The following LYG2 variants were observed in gnomAD, a reference collection of about 807,000 sequenced individuals.
LYG2 encodes the protein lysozyme g-like protein 2.
In LYG2, 25 loss-of-function variants were observed where a neutral mutation model predicts 22.4. The observed-to-expected ratio is 1.12, with a 90% CI of 0.81 to 1.56. The LOEUF is 1.56. Among genes scored for constraint, LYG2 ranks in the 40% most tolerant of loss-of-function variants. The pLI, the probability that LYG2 is intolerant of heterozygous loss-of-function variation, is 0.00. For synonymous variants in LYG2, 88 were observed against 97.0 expected (o/e 0.91, Z 0.55); for missense variants, 266 against 269.5 (o/e 0.99, Z 0.09).
upstream of LYG2, among the ~76,000 whole-genome samples, chr2:99,257,484 G>A (rs34812255): frequency 3.3e-5 from 5 of 152,184 alleles, no homozygotes; most frequent in Admixed American, 2.6e-4. Flanking sequence ...TCACTAAGAA[G>A]AAATGTACTG....
At chr2:99,247,581 C>T (rs1343162937) in intron 3 of LYG2, among the ~76,000 whole-genome samples, 1 of 152,064 alleles carries the variant, frequency 6.6e-6, no homozygotes, top group Admixed American at 6.6e-5. Flanking sequence ...CAACCCTTGC[C>T]TCCCTACCTT....
chr2:99,250,443 T>G (rs866717878), intron 3 of LYG2, among the ~76,000 whole-genome samples: 1 of 149,216 alleles, frequency 6.7e-6, no homozygotes, highest in African/African-American at 2.5e-5. Flanking sequence ...GGTGCGATCA[T>G]GGCTCACTGC....
intron 3 of LYG2, among the ~76,000 whole-genome samples, chr2:99,251,570 A>G (rs1299432605): frequency 8.5e-5 from 13 of 152,188 alleles, no homozygotes; most frequent in Admixed American, 8.5e-4. Flanking sequence ...ATAAATGTGA[A>G]ATATCTGAAT....
chr2:99,242,281 G>C lies in LYG2; in HGVS notation c.*83C>G. On this transcript the variant is annotated 3_prime_UTR_variant, in exon 7 of 7. Transcript: ENST00000333017. ...TGATTTTAATCATTTCTTTGCCAGT[G>C]TTGTATACAACACATTCACGTAAAA... 1 of 636,578 alleles carries C rather than the reference G, an allele frequency of 1.6e-6. No homozygotes were observed. Among genetic ancestry groups the C allele is most frequent in the Non-Finnish European group, 2.7e-6 (1 of 365,478 alleles). 39.4% of individuals were successfully genotyped at this position (636,578 alleles called of 1,614,324 possible). A position where few individuals can be genotyped will look rare whatever the true frequency, so the allele number is the denominator to read the frequency against.
At chr2:99,249,779 A>T (rs2094022959) in intron 3 of LYG2, among the ~76,000 whole-genome samples, 1 of 150,676 alleles carries the variant, frequency 6.6e-6, no homozygotes, top group Non-Finnish European at 1.5e-5. Context: ...AAAAAAAAAA[A>T]AAAAAAGAAT....
intron 4 of LYG2, among the ~76,000 whole-genome samples, chr2:99,246,113 CA>C (rs2094015689): frequency 1.3e-5 from 2 of 151,940 alleles, no homozygotes; most frequent in Admixed American, 6.6e-5. Context: ...GTCATACACA[CA>C]AAAAAAATTC....
At chr2:99,255,474 G>A (rs995439562) in intron 1 of LYG2, among the ~76,000 whole-genome samples, 129 bp downstream of exon 1, 1 of 152,172 alleles carries the variant, frequency 6.6e-6, no homozygotes, top group African/African-American at 2.4e-5. Flanking sequence ...GGCATATTTT[G>A]ATAGATTGTT....
chr2:99,259,079 A>G (rs2094042301), upstream of LYG2, among the ~76,000 whole-genome samples: 1 of 152,214 alleles, frequency 6.6e-6, no homozygotes, highest in African/African-American at 2.4e-5. Context: ...ATGAAACAAA[A>G]CAGAACTCTC....
At chr2:99,243,512 AG>A in intron 6 of LYG2, 1 of 1,508,436 alleles carries the variant, frequency 6.6e-7, no homozygotes, top group Middle Eastern at 1.8e-4. Context: ...ATAGATAGAT[AG>A]ATAGATAGAT....
chr2:99,253,226 G>A (rs563299963), intron 3 of LYG2, among the ~76,000 whole-genome samples: 4 of 152,032 alleles, frequency 2.6e-5, no homozygotes, highest in African/African-American at 7.2e-5. Flanking sequence ...TGGACCCTAC[G>A]CTGCCTGTGT....
At chr2:99,244,262 A>G (rs2094011962) in intron 5 of LYG2, 125 bp from the exon 6 acceptor site, 8 of 923,236 alleles carry the variant, frequency 8.7e-6, no homozygotes, top group South Asian at 7.2e-5. Flanking sequence ...AGTCAATTCT[A>G]TTGTTCTTTC....
At chr2:99,258,733 A>C (rs980361336), upstream of LYG2, among the ~76,000 whole-genome samples, 1 of 152,216 alleles carries the variant, frequency 6.6e-6, no homozygotes, top group Non-Finnish European at 1.5e-5. Context: ...AATTTCACTA[A>C]AACATTCAAC....
chr2:99,248,680 A>G (rs889930034), intron 3 of LYG2, among the ~76,000 whole-genome samples: 1 of 151,204 alleles, frequency 6.6e-6, no homozygotes, highest in African/African-American at 2.4e-5. Flanking sequence ...ACATGTATAC[A>G]TATGTAACTA....
chr2:99,259,767 A>C (rs897686116), upstream of LYG2, among the ~76,000 whole-genome samples: 24 of 152,020 alleles, frequency 1.6e-4, no homozygotes, highest in African/African-American at 5.6e-4. Context: ...GGATTTCCCC[A>C]GTTTGTTTTT....
At chr2:99,261,323 T>C in the LYG2 span, among the ~76,000 whole-genome samples, 1 of 151,840 alleles carries the variant, frequency 6.6e-6, no homozygotes, top group African/African-American at 2.4e-5. Flanking sequence ...GGAGGTGGAG[T>C]GTATCGGCCA....
At chr2:99,254,807 C>T (rs186375983) in intron 2 of LYG2, among the ~76,000 whole-genome samples, 83 of 152,210 alleles carry the variant, frequency 5.5e-4, no homozygotes, top group African/African-American at 1.7e-3. Flanking sequence ...GTAGCTGGGG[C>T]GACATATGCG....
chr2:99,252,517 G>A (rs916080472), intron 3 of LYG2, among the ~76,000 whole-genome samples: 2 of 151,950 alleles, frequency 1.3e-5, no homozygotes, highest in Non-Finnish European at 2.9e-5. Context: ...ATCCTCCTCA[G>A]CACCTGGAAC....
At chr2:99,257,555 T>A (rs1427976390), upstream of LYG2, among the ~76,000 whole-genome samples, 1 of 152,240 alleles carries the variant, frequency 6.6e-6, no homozygotes, top group African/African-American at 2.4e-5. Flanking sequence ...TGTACTGTTA[T>A]TTCCAGGAGG....
chr2:99,252,395 C>T (rs189044052), intron 3 of LYG2, among the ~76,000 whole-genome samples: 123 of 152,044 alleles, frequency 8.1e-4, no homozygotes, highest in African/African-American at 2.7e-3. Context: ...CCCTCCCTTC[C>T]TCTCACTCTT....
Sources: allele counts gnomAD v4.1 joint callset (sites outside exome capture counted in the v4.1 genomes callset), GRCh38; gene constraint gnomAD v4.1.1; transcripts MANE v1.5; gene names NCBI Gene and HGNC (gene_info 2026-07-23, HGNC 2026-07-21).